PAPPA2: variants seen among roughly 807,000 people sequenced by gnomAD.
PAPPA2 encodes the protein pappalysin-2.
In PAPPA2, 86 loss-of-function variants were observed where a neutral mutation model predicts 176.4. The ratio of observed to expected loss-of-function variants is 0.49; its 90% CI spans 0.41 to 0.58. The LOEUF (loss-of-function observed/expected upper bound fraction) is 0.58, where lower values mean the gene tolerates loss of function less well. PAPPA2 is among the 20% of genes least tolerant of loss of function. The probability of loss-of-function intolerance (pLI) is 0.00; values close to 1 mark genes in which losing one functional copy is unlikely to be tolerated. For synonymous variants in PAPPA2, 809 were observed against 852.2 expected, an observed-to-expected ratio of 0.95 and a Z score of 0.88; for missense variants, 2,073 against 2,256.9, an observed-to-expected ratio of 0.92 and a Z score of 1.65.
At chr1:176,477,873 G>A (rs1652213248) in intron 1 of PAPPA2, among the ~76,000 whole-genome samples, 1 of 152,128 alleles carries the variant, frequency 6.6e-6, no homozygotes, top group African/African-American at 2.4e-5. Flanking sequence ...GAAAAACATT[G>A]CTATAAGGAT....
chr1:176,653,771 C>G (rs943295618), intron 3 of PAPPA2, among the ~76,000 whole-genome samples: 13 of 151,626 alleles, frequency 8.6e-5, no homozygotes, highest in Non-Finnish European at 1.9e-4. Flanking sequence ...GTCTCTATTG[C>G]TCTTTTGGAA....
At chr1:176,467,169 G>A (rs1651663199) in intron 1 of PAPPA2, among the ~76,000 whole-genome samples, 1 of 152,108 alleles carries the variant, frequency 6.6e-6, no homozygotes, top group East Asian at 1.9e-4. Context: ...GAATACTGTG[G>A]CAGTTGCAAC....
intron 1 of PAPPA2, among the ~76,000 whole-genome samples, chr1:176,484,815 T>C (rs572631843): frequency 6.6e-6 from 1 of 152,218 alleles, no homozygotes; most frequent in Non-Finnish European, 1.5e-5. Flanking sequence ...AAATTCCCAG[T>C]CTGGTAATTC....
At chr1:176,666,415 T>C (rs1358343242) in intron 3 of PAPPA2, among the ~76,000 whole-genome samples, 1 of 151,606 alleles carries the variant, frequency 6.6e-6, no homozygotes, top group African/African-American at 2.4e-5. Context: ...AAAAAGTGAA[T>C]GGGAGATGAA....
At chr1:176,623,867 G>C (rs945877609) in intron 3 of PAPPA2, among the ~76,000 whole-genome samples, 4 of 137,686 alleles carry the variant, frequency 2.9e-5, no homozygotes, top group Non-Finnish European at 3.1e-5. Context: ...TTTCTACAAG[G>C]TCTTACTTTG....
chr1:176,581,067 A>G, intron 2 of PAPPA2, among the ~76,000 whole-genome samples: 1 of 151,692 alleles, frequency 6.6e-6, no homozygotes, highest in East Asian at 1.9e-4. Context: ...TTTCCCCTAT[A>G]TTTTCTTCTA....
chr1:176,764,639 C>T (rs1663855147), intron 14 of PAPPA2, among the ~76,000 whole-genome samples: 1 of 149,454 alleles, frequency 6.7e-6, no homozygotes, highest in African/African-American at 2.5e-5. Flanking sequence ...CTCTGTCGCT[C>T]AGGCTGGAGT....
chr1:176,692,114 T>C lies in PAPPA2; in HGVS notation c.2432-12T>C, dbSNP rs542435945. 9 of 1,598,748 alleles carry C rather than the reference T, an allele frequency of 5.6e-6. No homozygotes were observed. The African/African-American group carries it at 1.1e-4, about 19-fold the overall frequency. On this transcript the variant is annotated splice_polypyrimidine_tract_variant and intron_variant, in intron 5 of 22. Transcript: ENST00000367662. The stretch of plus-strand genomic sequence containing the variant: ...ATCTCCATCTCTTGTGCCACCTTTT[T>C]TGTCTCCACAGATGATAACTGCACT...
intron 2 of PAPPA2, among the ~76,000 whole-genome samples, chr1:176,559,683 C>T (rs1651543509): frequency 6.6e-6 from 1 of 152,222 alleles, no homozygotes; most frequent in Non-Finnish European, 1.5e-5. Flanking sequence ...CCTACGATGG[C>T]TGGCCTTCAC....
chr1:176,629,742 G>A (rs905506299), intron 3 of PAPPA2, among the ~76,000 whole-genome samples: 9 of 152,082 alleles, frequency 5.9e-5, no homozygotes, highest in Non-Finnish European at 1.0e-4. Context: ...TTGAACATCC[G>A]TGTATCAGGC....
intron 21 of PAPPA2, among the ~76,000 whole-genome samples, chr1:176,833,642 C>T (rs1667160612): frequency 1.3e-5 from 2 of 152,082 alleles, no homozygotes; most frequent in African/African-American, 4.8e-5. Flanking sequence ...TTTTATCTAA[C>T]ATTTTAGATG....
At chr1:176,559,887 T>A (rs1170347521) in intron 2 of PAPPA2, among the ~76,000 whole-genome samples, 1 of 152,212 alleles carries the variant, frequency 6.6e-6, no homozygotes, top group Non-Finnish European at 1.5e-5. Flanking sequence ...ATTTAGGGCA[T>A]TTTTTATTCA....
At chr1:176,543,808 C>A (rs1438963897) in intron 1 of PAPPA2, among the ~76,000 whole-genome samples, 1 of 152,206 alleles carries the variant, frequency 6.6e-6, no homozygotes, top group African/African-American at 2.4e-5. Context: ...AAGACAGTAA[C>A]TATTTCTTTC....
intron 14 of PAPPA2, among the ~76,000 whole-genome samples, chr1:176,756,575 G>C (rs949433175): frequency 1.1e-4 from 17 of 152,176 alleles, no homozygotes; most frequent in Non-Finnish European, 1.5e-4. Flanking sequence ...GTATTCCAGA[G>C]ATTTTATAAT....
intron 3 of PAPPA2, among the ~76,000 whole-genome samples, chr1:176,657,964 T>C (rs959658412): frequency 3.3e-5 from 5 of 151,968 alleles, no homozygotes; most frequent in African/African-American, 1.2e-4. Flanking sequence ...ATCTCCAGCA[T>C]TAATATAATC....
chr1:176,773,896 C>G (rs552875170), intron 17 of PAPPA2, among the ~76,000 whole-genome samples: 1 of 152,262 alleles, frequency 6.6e-6, no homozygotes, highest in East Asian at 1.9e-4. Context: ...CCTGTTCCAG[C>G]TTTGTCTCAT....
At chr1:176,817,727 T>TAAA (rs60368860) in intron 21 of PAPPA2, among the ~76,000 whole-genome samples, 2 of 144,142 alleles carry the variant, frequency 1.4e-5, no homozygotes, top group African/African-American at 5.1e-5. Context: ...TAACCTCTGT[T>TAAA]AAAAAAAAAA....
At chr1:176,664,635 G>T (rs1658532103) in intron 3 of PAPPA2, among the ~76,000 whole-genome samples, 1 of 152,136 alleles carries the variant, frequency 6.6e-6, no homozygotes, top group African/African-American at 2.4e-5. Context: ...GCATTATACT[G>T]ACTACCTTAA....
chr1:176,782,536 A>AT (rs1664763449), intron 17 of PAPPA2, among the ~76,000 whole-genome samples: 2 of 152,192 alleles, frequency 1.3e-5, no homozygotes, highest in Admixed American at 6.5e-5. Context: ...TCAGGAGAAG[A>AT]TAAAAAAAAG....
Sources: allele counts gnomAD v4.1 joint callset (sites outside exome capture counted in the v4.1 genomes callset), GRCh38; gene constraint gnomAD v4.1.1; transcripts MANE v1.5; gene names NCBI Gene and HGNC (gene_info 2026-07-23, HGNC 2026-07-21).